Variants in BEND5 observed in about 807,000 individuals in gnomAD.
The protein encoded by BEND5 is BEN domain containing 5.
BEND5 carries 22 observed loss-of-function variants against 43.9 expected under a neutral mutation model. The observed-to-expected ratio is 0.50, with a 90% CI of 0.36 to 0.72. The LOEUF (loss-of-function observed/expected upper bound fraction) is 0.72, where lower values mean the gene tolerates loss of function less well. Ranked by LOEUF, BEND5 falls within the 30% of genes least tolerant of loss-of-function variation. The pLI, the probability that BEND5 is intolerant of heterozygous loss-of-function variation, is 0.00. For synonymous variants in BEND5, 228 were observed against 225.9 expected, an observed-to-expected ratio of 1.01 and a Z score of -0.08; for missense variants, 428 against 550.6, an observed-to-expected ratio of 0.78 and a Z score of 2.23.
chr1:48,759,043 T>C lies in BEND5; in HGVS notation c.602A>G (p.Gln201Arg). 1 of 1,614,058 alleles carries C rather than the reference T, an allele frequency of 6.2e-7. No individual in the cohort carries two copies. The highest frequency in any genetic ancestry group is 8.5e-7 in the Non-Finnish European group (1 of 1,179,996). ...CCTCCGAGTCCGCTCCAGCTCCTGCTGGAGGTGGCGCATCTCTTCCTGTTG... is the reference window on the plus strand; with the variant it reads ...CCTCCGAGTCCGCTCCAGCTCCTGCCGGAGGTGGCGCATCTCTTCCTGTTG... Reference protein sequence around the residue: ...QQQQEEMRHLQQELERTRRQL... With the variant: ...QQQQEEMRHLRQELERTRRQL... Residue 201 changes from glutamine (Q) to arginine (R), a missense_variant, in exon 3 of 6, where the codon CAG (glutamine) becomes CGG (arginine). By Grantham distance (43) the Gln-to-Arg change is conservative. Coordinates refer to ENST00000371833, the MANE Select transcript of BEND5 (RefSeq NM_024603.4).
intron 3 of BEND5, 145 bp from the exon 4 acceptor site, chr1:48,742,916 C>T (rs1255451631): frequency 5.6e-6 from 4 of 709,336 alleles, no homozygotes; most frequent in African/African-American, 1.8e-5. Context: ...AACCCAGACT[C>T]GAAAATAATG....
In BEND5 at chr1:48,776,741, C is replaced by G. The variant is rs1345293464; in HGVS notation, c.91G>C (p.Asp31His). 1 of 1,527,946 alleles carries G rather than the reference C, an allele frequency of 6.5e-7. No homozygotes were observed. The highest frequency in any genetic ancestry group is 8.8e-7 in the Non-Finnish European group (1 of 1,137,946). The allele number at this position is 1,527,946 out of a possible 1,614,324, so 94.6% of individuals were successfully genotyped here. The change falls in exon 1 of 6, where the codon GAT becomes CAT. Residue 31 changes from aspartate (D) to histidine (H), a missense_variant. Asp to His is a moderately conservative substitution (Grantham distance 81). Transcript: ENST00000371833. ...VRDFSPRSRL[D>H]FDNQKVYAVY... ...GCGTACACCTTCTGGTTGTCAAAAT[C>G]CAGCCGCGAGCGGGGGCTGAAGTCG...
chr1:48,768,642 T>C (rs1644650917), intron 1 of BEND5, among the ~76,000 whole-genome samples: 1 of 152,154 alleles, frequency 6.6e-6, no homozygotes, highest in African/African-American at 2.4e-5. Flanking sequence ...TGTCTTAACT[T>C]CCATTTGACA....
intron 5 of BEND5, among the ~76,000 whole-genome samples, chr1:48,729,719 T>G (rs1464847784): frequency 6.6e-6 from 1 of 152,174 alleles, no homozygotes; most frequent in East Asian, 1.9e-4. Context: ...CCATCCATGC[T>G]GCAGGTGCAC....
chr1:48,775,480 C>T (rs917027838), intron 1 of BEND5, among the ~76,000 whole-genome samples: 1 of 152,126 alleles, frequency 6.6e-6, no homozygotes, highest in Admixed American at 6.5e-5. Context: ...TTCATTCAGT[C>T]ACTAACCCTT....
At chr1:48,735,871 A>T (rs941455315) in intron 5 of BEND5, among the ~76,000 whole-genome samples, 1 of 151,826 alleles carries the variant, frequency 6.6e-6, no homozygotes, top group Non-Finnish European at 1.5e-5. Flanking sequence ...CACCATACAC[A>T]TCTGTGTCTC....
rs990639885 is a variant in BEND5, at chr1:48,776,851, C to T, written c.-20G>A. The stretch of plus-strand genomic sequence containing the variant: ...GTACATGGTGGGCGCCGGGGGCGGG[C>T]CCCGGTCGGGCAGCTCAGCCCGCGG... On this transcript the variant is annotated 5_prime_UTR_variant, in exon 1 of 6. Transcript: ENST00000371833. 4.4e-5 allele frequency: 66 copies of T among 1,486,800 alleles called. No homozygotes were observed. The highest frequency in any genetic ancestry group is 5.5e-5 in the Non-Finnish European group (62 of 1,119,004). The allele number at this position is 1,486,800 out of a possible 1,614,324, so 92.1% of individuals were successfully genotyped here.
intron 2 of BEND5, 142 bp downstream of exon 2, chr1:48,761,195 G>T: frequency 2.1e-6 from 2 of 931,740 alleles, no homozygotes; most frequent in South Asian, 1.8e-5. Context: ...GTTGTCCCAC[G>T]CTTTCACTAC....
intron 3 of BEND5, among the ~76,000 whole-genome samples, chr1:48,753,524 T>A (rs1231427714): frequency 6.6e-6 from 1 of 152,216 alleles, no homozygotes; most frequent in African/African-American, 2.4e-5. Context: ...AGCTGGTATT[T>A]TAGCGGACCT....
At chr1:48,728,458 T>A (rs1337801557) in intron 5 of BEND5, among the ~76,000 whole-genome samples, 1 of 150,796 alleles carries the variant, frequency 6.6e-6, no homozygotes, top group Non-Finnish European at 1.5e-5. Flanking sequence ...TTTATAAATG[T>A]GCCCACTCTA....
chr1:48,753,242 C>T (rs937888266), intron 3 of BEND5, among the ~76,000 whole-genome samples: 1 of 152,246 alleles, frequency 6.6e-6, no homozygotes, highest in African/African-American at 2.4e-5. Context: ...GCTGGTTCTC[C>T]TGTCTGTATG....
At chr1:48,760,519 A>G (rs1644200544) in intron 2 of BEND5, among the ~76,000 whole-genome samples, 1 of 151,844 alleles carries the variant, frequency 6.6e-6, no homozygotes, top group Admixed American at 6.6e-5. Context: ...TCATTTATCT[A>G]AAGTGATCGT....
chr1:48,755,088 C>T (rs1004796730), intron 3 of BEND5, among the ~76,000 whole-genome samples: 16 of 152,202 alleles, frequency 1.1e-4, no homozygotes, highest in South Asian at 6.2e-4. Context: ...CAAATGAAGA[C>T]GTGTACGATT....
intron 4 of BEND5, among the ~76,000 whole-genome samples, chr1:48,737,925 A>C (rs1649324348): frequency 6.6e-6 from 1 of 152,154 alleles, no homozygotes; most frequent in Non-Finnish European, 1.5e-5. Context: ...CATGAGAAGG[A>C]CCTGCCAAAG....
rs150369195 is a variant in BEND5 at position 48,753,249 on chromosome 1, T to A, written c.745+5651A>T. Among the ~76,000 whole-genome samples, 425 of 152,324 alleles carry A rather than the reference T, an allele frequency of 2.8e-3. 2 individuals are homozygous for A. Among genetic ancestry groups the A allele is most frequent in the African/African-American group, 9.9e-3 (412 of 41,574 alleles). On this transcript the variant is annotated intron_variant, in intron 3 of 5. Transcript: ENST00000371833. ...ATCACTGAGCTGGTTCTCCTGTCTGTATGTAGTGGGCTTTAAGATACCTAG... is the reference window on the plus strand; with the variant it reads ...ATCACTGAGCTGGTTCTCCTGTCTGAATGTAGTGGGCTTTAAGATACCTAG...
At chr1:48,731,033 A>G (rs1005998100) in intron 5 of BEND5, among the ~76,000 whole-genome samples, 14 of 152,184 alleles carry the variant, frequency 9.2e-5, no homozygotes, top group African/African-American at 3.4e-4. Context: ...AAAATCAAAG[A>G]GAAGAAGAAG....
chr1:48,774,544 AAACTGGCAC>A (rs1427779069), intron 1 of BEND5, among the ~76,000 whole-genome samples: 1 of 152,242 alleles, frequency 6.6e-6, no homozygotes, highest in Non-Finnish European at 1.5e-5. Context: ...CAACTAATTC[AAACTGGCAC>A]ACTTCTTTGA....
intron 3 of BEND5, among the ~76,000 whole-genome samples, chr1:48,747,379 G>T (rs2148615404): frequency 6.6e-6 from 1 of 152,224 alleles, no homozygotes; most frequent in Admixed American, 6.5e-5. Context: ...AAGTATGAAA[G>T]GTAGTACTTG....
chr1:48,770,581 G>A (rs1233893684), intron 1 of BEND5, among the ~76,000 whole-genome samples: 1 of 152,096 alleles, frequency 6.6e-6, no homozygotes, highest in African/African-American at 2.4e-5. Flanking sequence ...CTTCCAGATT[G>A]AGATCTTTGA....
Sources: gnomAD v4.1 joint callset for allele counts (sites outside exome capture counted in the v4.1 genomes callset) on GRCh38, gnomAD v4.1.1 for gene constraint, MANE v1.5 for transcripts, NCBI Gene and HGNC (gene_info 2026-07-23, HGNC 2026-07-21) for gene names.